Variants in POLM observed in about 807,000 individuals in gnomAD.
The protein encoded by POLM is DNA-directed DNA/RNA polymerase mu.
POLM carries 52 observed loss-of-function variants against 56.7 expected under a neutral mutation model. That is an observed-to-expected ratio of 0.92 (90% CI 0.73 to 1.15). The LOEUF (loss-of-function observed/expected upper bound fraction) is 1.15, where lower values mean the gene tolerates loss of function less well. Ranked by LOEUF, POLM falls within the 50% of genes most tolerant of loss-of-function variation. The probability of loss-of-function intolerance (pLI) is 0.00; values close to 1 mark genes in which losing one functional copy is unlikely to be tolerated. For synonymous variants in POLM, 273 were observed against 274.3 expected (o/e 1.00, Z 0.05); for missense variants, 660 against 663.6 (o/e 0.99, Z 0.06).
intron 6 of POLM, chr7:44,076,116 G>C (rs1274842569): frequency 6.2e-6 from 1 of 161,990 alleles, no homozygotes; most frequent in Non-Finnish European, 1.4e-5. Flanking sequence ...CCTGGCAAAT[G>C]GTAGATAAGA....
chr7:44,082,426 G>T lies in POLM; in HGVS notation c.13C>A (p.Arg5=), dbSNP rs914220575. Residue 5 remains arginine, a synonymous_variant, in exon 1 of 11, where the codon CGG becomes AGG. Transcript: ENST00000242248. ...GGGGACCCGACCCGCGCTCGCCGCC[G>T]TTTGGGGAGCATTGGGACGACAGCC... MLPK[R]RRARVGSPSG... is the part of the protein sequence containing the mutation. 1.4e-6 allele frequency: 2 copies of T among 1,453,328 alleles called. No homozygotes were observed. Among genetic ancestry groups the T allele is most frequent in the Non-Finnish European group, 1.8e-6 (2 of 1,111,418 alleles). 90.0% of individuals were successfully genotyped at this position (1,453,328 alleles called of 1,614,324 possible).
rs1216060965 is a variant in POLM, at chr7:44,081,718, G to A, written c.188+533C>T. On this transcript the variant is annotated intron_variant, in intron 1 of 10. Transcript: ENST00000242248. Reference sequence around the variant, plus strand: ...TCGCTCACAGGTGGGACATAGCCCAGGCAGAAGGGCTGTTAGCAAATACGA... The same window carrying A: ...TCGCTCACAGGTGGGACATAGCCCAAGCAGAAGGGCTGTTAGCAAATACGA... Among the ~76,000 whole-genome samples the A allele has an allele frequency of 2.4e-4, 36 of 151,660 alleles. 2 individuals carry two copies.
In POLM at chr7:44,073,573, C is replaced by A; in HGVS notation, c.1398+52G>T. 1.9e-6 allele frequency: 3 copies of A among 1,608,744 alleles called. No homozygotes were observed. The South Asian group carries it at 3.3e-5, about 18-fold the overall frequency. Reference sequence around the variant, plus strand: ...TCTGGGGCCATTTCAGATTGTGGGTCAGGGAGCGGACTATGGGTGCTGTTT... The same window carrying A: ...TCTGGGGCCATTTCAGATTGTGGGTAAGGGAGCGGACTATGGGTGCTGTTT... On this transcript the variant is annotated intron_variant, in intron 10 of 10. Transcript: ENST00000242248.
intron 2 of POLM, chr7:44,080,416 C>A: frequency 1.7e-6 from 1 of 573,974 alleles, no homozygotes; most frequent in South Asian, 1.5e-5. Context: ...TCCTGCTAAC[C>A]CATGGGTCAT....
At position 44,082,047 on chromosome 7, in the gene POLM, C is replaced by T. The variant is rs2128804549; in HGVS notation, c.188+204G>A. Among the ~76,000 whole-genome samples the T allele has an allele frequency of 1.3e-5, 2 of 152,282 alleles. 1 individual carries two copies. The highest frequency in any genetic ancestry group is 4.1e-4 in the South Asian group (2 of 4,832). ...GGCGTGAGCCACCGCGCCCGGCCTA[C>T]TGCTTATTAATTACCCCTGACCTCT... On this transcript the variant is annotated intron_variant, in intron 1 of 10. Transcript: ENST00000242248.
Position 44,073,280 on chromosome 7 carries a change from C to T in POLM, c.*11G>A, listed in dbSNP as rs759495747. ...CAATTTCCTGAGTGGAAGTGGGGGA[C>T]ACAGGCAGGCTCAGGCGTTTCTCTG... is the stretch of plus-strand genomic sequence containing the variant. On this transcript the variant is annotated 3_prime_UTR_variant, in exon 11 of 11. Transcript: ENST00000242248. The T allele has an allele frequency of 2.5e-6, 4 of 1,614,180 alleles. No homozygotes were observed. The South Asian group carries it at 3.3e-5, about 13-fold the overall frequency.
Position 44,073,104 on chromosome 7 carries a change from A to G in POLM, c.*187T>C, listed in dbSNP as rs28382663. 1.3e-3 allele frequency: 1,967 copies of G among 1,468,084 alleles called. 21 individuals carry two copies. In the African/African-American group the frequency reaches 0.025, roughly 19 times the overall value. 90.9% of individuals were successfully genotyped at this position (1,468,084 alleles called of 1,614,324 possible). The stretch of plus-strand genomic sequence containing the variant: ...TGGCACTGAGGGCTCCCACCTCATC[A>G]CACCCTGCAGCACACCAGCAGGGGC... On this transcript the variant is annotated 3_prime_UTR_variant, in exon 11 of 11. Coordinates refer to ENST00000242248, the MANE Select transcript of POLM (RefSeq NM_013284.4).
At chr7:44,074,089 C>T in intron 8 of POLM, 42 bp downstream of exon 8, 1 of 1,606,916 alleles carries the variant, frequency 6.2e-7, no homozygotes, top group East Asian at 2.2e-5. Flanking sequence ...GAGGCAGTGG[C>T]ATTGGCCAGC....
chr7:44,073,062 T>TCA lies in POLM; in HGVS notation c.*227_*228dup. ...GGGGAGGCTAAGAGCAGACCCAGGG[T>TCA]CACACAGTGATGAGGCTGGCACTGA... On this transcript the variant is annotated 3_prime_UTR_variant, in exon 11 of 11. Transcript: ENST00000242248. 1 of 1,432,402 alleles carries TCA rather than the reference T, an allele frequency of 7.0e-7. No individual in the cohort carries two copies. 88.7% of individuals were successfully genotyped at this position (1,432,402 alleles called of 1,614,324 possible). A position where few individuals can be genotyped will look rare whatever the true frequency, so the allele number is the denominator to read the frequency against.
chr7:44,079,205 G>C (rs1208501715), intron 4 of POLM, among the ~76,000 whole-genome samples: 2 of 152,202 alleles, frequency 1.3e-5, no homozygotes, highest in Non-Finnish European at 2.9e-5. Context: ...TTCTTGCAAT[G>C]AAAGTGCACT....
intron 6 of POLM, among the ~76,000 whole-genome samples, chr7:44,075,117 C>A (rs2096180034): frequency 6.6e-6 from 1 of 152,184 alleles, no homozygotes; most frequent in South Asian, 2.1e-4. Flanking sequence ...GTGGCGCAAT[C>A]TGAGCTTACT....
Position 44,076,508 on chromosome 7 carries a change from C to A in POLM, c.835+1G>T. Reference sequence around the variant, plus strand: ...GGGCCCAGCCTCTCTGGAGGGCTCACCCGCTTTCTGCTGTTGGGTTAGTTT... The same window carrying A: ...GGGCCCAGCCTCTCTGGAGGGCTCAACCGCTTTCTGCTGTTGGGTTAGTTT... On this transcript the variant is annotated splice_donor_variant, in intron 6 of 10. Transcript: ENST00000242248. LOFTEE classifies it high-confidence loss of function. 1 of 1,613,838 alleles carries A rather than the reference C, an allele frequency of 6.2e-7. No homozygotes were observed. Among genetic ancestry groups the A allele is most frequent in the East Asian group, 2.2e-5 (1 of 44,878 alleles).
Position 44,073,631 on chromosome 7 carries a change from C to G in POLM, c.1392G>C (p.Pro464=), listed in dbSNP as rs747957859. The G allele has an allele frequency of 6.2e-7, 1 of 1,613,934 alleles. No individual in the cohort carries two copies. The highest frequency in any genetic ancestry group is 8.5e-7 in the Non-Finnish European group (1 of 1,179,954). The change falls in exon 10 of 11, where the codon CCG becomes CCC. Residue 464 remains proline (P), a synonymous_variant. Coordinates refer to ENST00000242248, the MANE Select transcript of POLM (RefSeq NM_013284.4). ...LWLNSHGLFD[P]EQKTFFQAAS... is the part of the protein sequence containing the mutation. ...CCAGTCCCCAACAATGTACCTGCTCCGGGTCAAACAGCCCATGGCTGTTCA... is the reference window on the plus strand; with the variant it reads ...CCAGTCCCCAACAATGTACCTGCTCGGGGTCAAACAGCCCATGGCTGTTCA...
Position 44,073,722 on chromosome 7 carries a change from A to ATTG in POLM, c.1315-17_1315-15dup, listed in dbSNP as rs2096174985. On this transcript the variant is annotated splice_polypyrimidine_tract_variant and intron_variant, in intron 9 of 10. Transcript: ENST00000242248. ...CCGCTGGAAAAGCTGTAGGGAAGGG[A>ATTG]TTGTCCTCAGCAGGGCTGGCCCAGC... The ATTG allele has an allele frequency of 6.2e-7, 1 of 1,613,886 alleles. No individual in the cohort carries two copies.
intron 4 of POLM, among the ~76,000 whole-genome samples, chr7:44,079,056 C>T (rs2096191862): frequency 6.6e-6 from 1 of 152,198 alleles, no homozygotes; most frequent in Non-Finnish European, 1.5e-5. Context: ...TCCTTCGGGC[C>T]TGGAGTTACA....
Position 44,080,739 on chromosome 7 carries a change from G to C in POLM, c.366C>G (p.Arg122=). 1 of 1,614,052 alleles carries C rather than the reference G, an allele frequency of 6.2e-7. No individual in the cohort carries two copies. The highest frequency in any genetic ancestry group is 8.5e-7 in the Non-Finnish European group (1 of 1,179,964). ...AGTCTTCCACCCAGCTCACCTCCAG[G>C]CGGTGCCGGCACTCCACAGGTACAG... The part of the protein sequence containing the change: ...GQPVPVECRH[R]LEVAGPRKGP... The change falls in exon 2 of 11, where the codon CGC becomes CGG. Residue 122 remains arginine, a synonymous_variant. Coordinates refer to ENST00000242248, the MANE Select transcript of POLM (RefSeq NM_013284.4).
intron 2 of POLM, 147 bp from the exon 3 acceptor site, chr7:44,080,106 A>G: frequency 3.0e-6 from 2 of 664,184 alleles, no homozygotes; most frequent in Non-Finnish European, 5.4e-6. Context: ...CACCAGCGGC[A>G]TGAGGCTGAG....
Position 44,073,322 on chromosome 7 carries a change from T to C in POLM, c.1454A>G (p.Glu485Gly), listed in dbSNP as rs778171649. Reference protein sequence around the residue: ...EEDIFRHLGLEYLPPEQRNA With the variant: ...EEDIFRHLGLGYLPPEQRNA ...GTTTCTCTGCTCTGGAGGAAGGTAC[T>C]CAAGGCCCAGGTGTCTGAAGATGTC... Residue 485 changes from glutamate to glycine, a missense_variant, in exon 11 of 11, where the codon GAG (glutamate) becomes GGG (glycine). Glu to Gly is a moderately conservative substitution (Grantham distance 98). Coordinates refer to ENST00000242248, the MANE Select transcript of POLM (RefSeq NM_013284.4). 25 of 1,614,080 alleles carry C rather than the reference T, an allele frequency of 1.5e-5. No homozygotes were observed. The highest frequency in any genetic ancestry group is 1.9e-5 in the Non-Finnish European group (23 of 1,180,026).
chr7:44,080,395 A>G (rs1562672918), intron 2 of POLM: 7 of 557,094 alleles, frequency 1.3e-5, no homozygotes, highest in South Asian at 9.2e-5. Context: ...TATAGCATCC[A>G]GAGGACAGGC....
Sources: gnomAD v4.1 joint callset for allele counts (sites outside exome capture counted in the v4.1 genomes callset) on GRCh38, gnomAD v4.1.1 for gene constraint, MANE v1.5 for transcripts, NCBI Gene and HGNC (gene_info 2026-07-23, HGNC 2026-07-21) for gene names.